The following CACHD1 variants were observed in gnomAD, a reference collection of about 807,000 sequenced individuals.
CACHD1 encodes the protein cache domain containing 1, also known as VWFA and cache domain-containing protein 1.
In CACHD1, 71 loss-of-function variants were observed where a neutral mutation model predicts 138.7. The observed-to-expected ratio is 0.51, with a 90% CI of 0.42 to 0.62. CACHD1 has a LOEUF of 0.62. CACHD1 is among the 20% of genes least tolerant of loss of function. The pLI, the probability that CACHD1 is intolerant of heterozygous loss-of-function variation, is 0.00. For missense variants in CACHD1, 1,389 were observed against 1,625.3 expected (o/e 0.85, Z 2.50); for synonymous variants, 578 against 591.5 (o/e 0.98, Z 0.33).
At chr1:64,684,502 G>A (rs1650300084) in intron 26 of CACHD1, among the ~76,000 whole-genome samples, 1 of 151,392 alleles carries the variant, frequency 6.6e-6, no homozygotes, top group East Asian at 1.9e-4. Context: ...TTTTTGCACA[G>A]CTGTACAATG....
In CACHD1 at chr1:64,682,103, C is replaced by T; in HGVS notation, c.3583C>T (p.His1195Tyr). 6.2e-7 allele frequency: 1 copy of T among 1,613,820 alleles called. No individual in the cohort carries two copies. Among genetic ancestry groups the T allele is most frequent in the Non-Finnish European group, 8.5e-7 (1 of 1,179,768 alleles). The change falls in exon 26 of 27, where the codon CAT (histidine) becomes TAT (tyrosine). Residue 1195 changes from histidine (H) to tyrosine (Y), a missense_variant. By Grantham distance (83) the His-to-Tyr change is moderately conservative. This residue lies in a region of CACHD1 where 11 missense variants were observed against 32.5 expected (regional missense o/e 0.34). Transcript: ENST00000651257. ...GGGTCGATCAGGAACAGAAAGTGAT[C>T]ATGGTAAGGTCTAGCTTCCTGCATT... ...YWGRSGTESD[H>Y]GYSTMSPQED...
rs577650718 is a variant in CACHD1, at chr1:64,629,717, A to G, written c.644+236A>G. ...TCTAATATGCCAAATATAAAAAGGT[A>G]CTTACTCGTGAAGTCAAATTGTGTG... On this transcript the variant is annotated intron_variant, in intron 5 of 26. Transcript: ENST00000651257. Among the ~76,000 whole-genome samples, 4 of 152,182 alleles carry G rather than the reference A, an allele frequency of 2.6e-5. No individual in the cohort carries two copies. In the South Asian group the frequency reaches 8.3e-4, roughly 32 times the overall value.
chr1:64,635,453 G>A (rs570215550), intron 7 of CACHD1, among the ~76,000 whole-genome samples: 4 of 145,066 alleles, frequency 2.8e-5, no homozygotes, highest in Non-Finnish European at 3.0e-5. Flanking sequence ...GCGCAATCCC[G>A]GCTCACTGCA....
At chr1:64,659,313 C>A (rs1649367583) in intron 13 of CACHD1, among the ~76,000 whole-genome samples, 1 of 152,026 alleles carries the variant, frequency 6.6e-6, no homozygotes, top group Admixed American at 6.6e-5. Flanking sequence ...ACAGAGTTTT[C>A]AGTAGCCCTA....
At chr1:64,471,250 T>C (rs528317519) in intron 1 of CACHD1, among the ~76,000 whole-genome samples, 1 of 152,324 alleles carries the variant, frequency 6.6e-6, no homozygotes, top group Admixed American at 6.5e-5. Flanking sequence ...TTCTCCAGTT[T>C]CCTCGCACGT....
At chr1:64,664,157 T>TG (rs1649546765) in intron 14 of CACHD1, 1 of 454,286 alleles carries the variant, frequency 2.2e-6, no homozygotes, top group Non-Finnish European at 3.9e-6. Flanking sequence ...AAAGTGCCCC[T>TG]GCTGTCTCTC....
rs138505145 is a variant in CACHD1 at position 64,472,239 on chromosome 1, T to TTCCTCC, written c.198+1308_198+1313dup. Among the ~76,000 whole-genome samples, 857 of 152,134 alleles carry TTCCTCC rather than the reference T, an allele frequency of 5.6e-3. 4 individuals are homozygous for TTCCTCC. Among genetic ancestry groups the TTCCTCC allele is most frequent in the Admixed American group, 7.6e-3 (116 of 15,278 alleles). On this transcript the variant is annotated intron_variant, in intron 1 of 26. Transcript: ENST00000651257. ...TCCTTCTCTTCTTTCTTCCTTCTTC[T>TTCCTCC]TCCTCCTCCTCCTCCTTCTCGTTCT...
rs960668356 is a variant in CACHD1, at chr1:64,648,956, A to G, written c.1390+922A>G. 8.5e-5 allele frequency among the ~76,000 whole-genome samples: 13 copies of G among 152,216 alleles called. No individual in the cohort carries two copies. The East Asian group carries it at 2.3e-3, about 27-fold the overall frequency. On this transcript the variant is annotated intron_variant, in intron 9 of 26. Transcript: ENST00000651257. Reference sequence around the variant, plus strand: ...CATGTTCTTACTTTTCCTTTTCTCTATATCCTCCCCTTTCTCCTTCCTTGA... The same window carrying G: ...CATGTTCTTACTTTTCCTTTTCTCTGTATCCTCCCCTTTCTCCTTCCTTGA...
intron 1 of CACHD1, among the ~76,000 whole-genome samples, chr1:64,482,000 C>T (rs1021860827): frequency 4.6e-5 from 7 of 151,928 alleles, no homozygotes; most frequent in Non-Finnish European, 8.8e-5. Flanking sequence ...CTGTATATTA[C>T]CATTAAAAGA....
chr1:64,545,985 T>A (rs563771402), intron 1 of CACHD1, among the ~76,000 whole-genome samples: 1 of 152,372 alleles, frequency 6.6e-6, no homozygotes, highest in South Asian at 2.1e-4. Context: ...ATCTGTTCAC[T>A]ATATAATAAA....
rs145251270 is a variant in CACHD1, at chr1:64,501,469, G to A, written c.198+30527G>A. On this transcript the variant is annotated intron_variant, in intron 1 of 26. Transcript: ENST00000651257. ...TATTCTTGGATTTATTTTAGTCTAG[G>A]TTCCCCTCTTTGAACTGATTTATGC... Among the ~76,000 whole-genome samples the A allele has an allele frequency of 5.4e-3, 829 of 152,254 alleles. 7 individuals are homozygous for A. Among genetic ancestry groups the A allele is most frequent in the African/African-American group, 0.019 (797 of 41,548 alleles).
chr1:64,571,749 G>C (rs1453868731), intron 2 of CACHD1, among the ~76,000 whole-genome samples: 1 of 152,162 alleles, frequency 6.6e-6, no homozygotes, highest in Non-Finnish European at 1.5e-5. Flanking sequence ...GCTAGGTCAG[G>C]TTTCGTCCTT....
In CACHD1 at chr1:64,470,826, T is replaced by G. The variant is rs1014641404; in HGVS notation, c.82T>G (p.Cys28Gly). The G allele has an allele frequency of 2.6e-6, 4 of 1,519,290 alleles. No individual in the cohort carries two copies. The highest frequency in any genetic ancestry group is 3.6e-6 in the Non-Finnish European group (4 of 1,119,942). 94.1% of individuals were successfully genotyped at this position (1,519,290 alleles called of 1,614,324 possible). A position where few individuals can be genotyped will look rare whatever the true frequency, so the allele number is the denominator to read the frequency against. The change falls in exon 1 of 27, where the codon TGC (cysteine) becomes GGC (glycine). Residue 28 changes from cysteine (C) to glycine (G), a missense_variant. This residue lies in a region of CACHD1 where 1,000 missense variants were observed against 1,114.7 expected (regional missense o/e 0.90). Coordinates refer to ENST00000651257, the MANE Select transcript of CACHD1 (RefSeq NM_020925.4). The surrounding 1 kb of genome is among the most constrained non-coding windows in gnomAD (Gnocchi z 5.2). ...CCTCTGGCTGCTCTGCCTGGTCGCGTGCTGGCTCCTGGGCGCCGGGGCCGA... is the reference window on the plus strand; with the variant it reads ...CCTCTGGCTGCTCTGCCTGGTCGCGGGCTGGCTCCTGGGCGCCGGGGCCGA... ...PPLWLLCLVA[C>G]WLLGAGAEAD...
At chr1:64,672,819 G>A (rs530033234) in intron 17 of CACHD1, among the ~76,000 whole-genome samples, 115 of 152,126 alleles carry the variant, frequency 7.6e-4, no homozygotes, top group Middle Eastern at 6.8e-3. Flanking sequence ...CTGCTTGCCT[G>A]GAAAAAAAGA....
chr1:64,671,723 C>A (rs1277872669), intron 17 of CACHD1, 37 bp downstream of exon 17: 1 of 1,612,794 alleles, frequency 6.2e-7, no homozygotes, highest in South Asian at 1.1e-5. Flanking sequence ...TTTCTAGCTG[C>A]AGTTTAAAAA....
rs1004434412 is a variant in CACHD1 at position 64,601,207 on chromosome 1, A to G, written c.411-1599A>G. Among the ~76,000 whole-genome samples the G allele has an allele frequency of 1.7e-4, 26 of 152,228 alleles. 1 individual carries two copies. Among genetic ancestry groups the G allele is most frequent in the Admixed American group, 1.4e-3 (21 of 15,282 alleles). On this transcript the variant is annotated intron_variant, in intron 3 of 26. Transcript: ENST00000651257. ...TGGCAGAGCAGTTGCAACAGTCTTT[A>G]TGGCCCACAAAGCCTAAACTATTAT...
At chr1:64,556,923 C>A (rs1646802684) in intron 2 of CACHD1, among the ~76,000 whole-genome samples, 1 of 152,082 alleles carries the variant, frequency 6.6e-6, no homozygotes, top group Admixed American at 6.5e-5. Flanking sequence ...TCGAGACCAT[C>A]CTGGCTAACA....
intron 3 of CACHD1, among the ~76,000 whole-genome samples, chr1:64,598,325 C>G (rs557800993): frequency 3.3e-5 from 5 of 152,270 alleles, no homozygotes; most frequent in African/African-American, 9.6e-5. Context: ...GCTTTTCATG[C>G]TAACTTGACT....
Position 64,691,439 on chromosome 1 carries a change from C to T in CACHD1, c.3703C>T (p.Pro1235Ser), listed in dbSNP as rs180694325. The change falls in exon 27 of 27, where the codon CCT (proline) becomes TCT (serine). Residue 1235 changes from proline to serine, a missense_variant. Physicochemically the swap from Pro to Ser is moderately conservative, Grantham distance 74 (BLOSUM62 -1). This residue lies in a region of CACHD1 where 78 missense variants were observed against 76.9 expected (regional missense o/e 1.01). Coordinates refer to ENST00000651257, the MANE Select transcript of CACHD1 (RefSeq NM_020925.4). ...TGAGGACTTAGACCTGGATACCCCC[C>T]CTCAGACTGCTGCCCTACTAAGTCA... ...HDEDLDLDTP[P>S]QTAALLSHKF... The T allele has an allele frequency of 2.1e-4, 335 of 1,614,126 alleles. No homozygotes were observed. The Admixed American group carries it at 4.2e-3, about 20-fold the overall frequency.
Sources: allele counts gnomAD v4.1 joint callset (sites outside exome capture counted in the v4.1 genomes callset), GRCh38; gene constraint gnomAD v4.1.1; regional missense constraint gnomAD v4.1.1; non-coding constraint Gnocchi (gnomAD v3.1); transcripts MANE v1.5; gene names NCBI Gene and HGNC (gene_info 2026-07-23, HGNC 2026-07-21).